Variants in MSRA observed in about 807,000 individuals in gnomAD.
The protein encoded by MSRA is mitochondrial peptide methionine sulfoxide reductase.
Under a neutral mutation model 31.3 loss-of-function variants are expected in MSRA, and 54 were observed. The ratio of observed to expected loss-of-function variants is 1.73; its 90% CI spans 1.39 to 2.17. The LOEUF is 2.17. Ranked by LOEUF, MSRA falls within the 30% of genes most tolerant of loss-of-function variation. MSRA has a pLI of 0.00. For synonymous variants in MSRA, 169 were observed against 116.5 expected, an observed-to-expected ratio of 1.45 and a Z score of -2.90; for missense variants, 507 against 300.9, an observed-to-expected ratio of 1.69 and a Z score of -5.07.
chr8:10,250,554 C>A, intron 3 of MSRA: 2 of 687,162 alleles, frequency 2.9e-6, no homozygotes. Context: ...ACAAGCAGCA[C>A]GGGAAATCTG....
chr8:10,068,125 C>T (rs987642265), intron 1 of MSRA, among the ~76,000 whole-genome samples: 8 of 152,094 alleles, frequency 5.3e-5, no homozygotes, highest in Non-Finnish European at 1.0e-4. Flanking sequence ...CTCAAGCAGA[C>T]TGCCCGCCTT....
At chr8:10,212,636 G>C (rs779830374) in intron 2 of MSRA, among the ~76,000 whole-genome samples, 29 of 152,160 alleles carry the variant, frequency 1.9e-4, no homozygotes, top group Non-Finnish European at 2.6e-4. Context: ...AAGAGTGAGG[G>C]AATTGATCTG....
chr8:10,242,599 A>C (rs1359207388), intron 2 of MSRA, among the ~76,000 whole-genome samples: 3 of 152,186 alleles, frequency 2.0e-5, no homozygotes, highest in Non-Finnish European at 4.4e-5. Flanking sequence ...AAAAGGCTAA[A>C]AATAAGTATT....
chr8:10,426,960 C>T lies in MSRA; in HGVS notation c.544-1188C>T, dbSNP rs188362830. On this transcript the variant is annotated intron_variant, in intron 5 of 5. Coordinates refer to ENST00000317173, the MANE Select transcript of MSRA (RefSeq NM_012331.5). Reference sequence around the variant, plus strand: ...TCTTGGCGGGGACCCTGCCCCTTGTCGTTCCGGACCTGCTGGGCCTTCTGC... The same window carrying T: ...TCTTGGCGGGGACCCTGCCCCTTGTTGTTCCGGACCTGCTGGGCCTTCTGC... 1.8e-4 allele frequency among the ~76,000 whole-genome samples: 27 copies of T among 152,366 alleles called. No individual in the cohort carries two copies. In the East Asian group the frequency reaches 4.0e-3, roughly 23 times the overall value.
chr8:10,176,829 G>C (rs1806097319), intron 1 of MSRA, among the ~76,000 whole-genome samples: 1 of 152,166 alleles, frequency 6.6e-6, no homozygotes, highest in South Asian at 2.1e-4. Flanking sequence ...TGTTACAACT[G>C]GAACTTCTGG....
intron 5 of MSRA, among the ~76,000 whole-genome samples, chr8:10,366,854 A>C (rs1805195935): frequency 6.6e-6 from 1 of 152,152 alleles, no homozygotes; most frequent in African/African-American, 2.4e-5. Context: ...GCTGACCACC[A>C]GACCCAAGGC....
intron 4 of MSRA, among the ~76,000 whole-genome samples, chr8:10,317,934 A>T (rs1014132910): frequency 1.3e-5 from 2 of 151,928 alleles, no homozygotes; most frequent in Admixed American, 1.3e-4. Context: ...CAAGATACCT[A>T]TGTGGTTACA....
chr8:10,367,584 G>C (rs1000405165), intron 5 of MSRA, among the ~76,000 whole-genome samples: 28 of 152,318 alleles, frequency 1.8e-4, no homozygotes, highest in African/African-American at 6.3e-4. Context: ...ACTTAATTCA[G>C]TTTATTAGCA....
At chr8:10,395,099 A>T (rs901530315) in intron 5 of MSRA, among the ~76,000 whole-genome samples, 3 of 152,228 alleles carry the variant, frequency 2.0e-5, no homozygotes, top group Admixed American at 1.3e-4. Context: ...AGCAGGAAAG[A>T]TGAGCTCAGG....
intron 5 of MSRA, among the ~76,000 whole-genome samples, chr8:10,385,691 G>C (rs1217245333): frequency 6.6e-6 from 1 of 152,090 alleles, no homozygotes; most frequent in Admixed American, 6.6e-5. Flanking sequence ...CCAAGAGGCA[G>C]TGAAGTCATG....
intron 1 of MSRA, among the ~76,000 whole-genome samples, chr8:10,082,048 A>G (rs1337979290): frequency 3.3e-5 from 5 of 152,070 alleles, no homozygotes; most frequent in Non-Finnish European, 5.9e-5. Flanking sequence ...ACAAAAATAT[A>G]TTATGCAATT....
At chr8:10,327,633 A>G (rs1802437062) in intron 5 of MSRA, among the ~76,000 whole-genome samples, 1 of 152,082 alleles carries the variant, frequency 6.6e-6, no homozygotes, top group African/African-American at 2.4e-5. Flanking sequence ...AGACAGTGTC[A>G]CTACCAAATA....
intron 5 of MSRA, among the ~76,000 whole-genome samples, chr8:10,384,645 G>A (rs150341610): frequency 0.014 from 2,114 of 152,310 alleles, 34 homozygotes; most frequent in Non-Finnish European, 0.023. Context: ...TCAGGGTGCA[G>A]CCAGGGCTGA....
intron 5 of MSRA, among the ~76,000 whole-genome samples, chr8:10,365,493 C>G (rs1035286028): frequency 3.3e-5 from 5 of 152,158 alleles, no homozygotes; most frequent in African/African-American, 1.2e-4. Flanking sequence ...AAAGCAAATA[C>G]CAAATGGGTA....
At chr8:10,355,893 C>G (rs1163281890) in intron 5 of MSRA, among the ~76,000 whole-genome samples, 1 of 152,140 alleles carries the variant, frequency 6.6e-6, no homozygotes, top group African/African-American at 2.4e-5. Context: ...TCCATAGGCA[C>G]CGGGCTCCTG....
intron 3 of MSRA, among the ~76,000 whole-genome samples, chr8:10,285,222 G>T (rs1041590813): frequency 6.6e-6 from 1 of 152,058 alleles, no homozygotes. Context: ...CGCCTTCTCC[G>T]AGCCCTTGAC....
chr8:10,335,045 G>C (rs1802944775), intron 5 of MSRA, among the ~76,000 whole-genome samples: 1 of 152,194 alleles, frequency 6.6e-6, no homozygotes, highest in Non-Finnish European at 1.5e-5. Flanking sequence ...CCCCGTGCAG[G>C]TAGAGGCCTG....
Position 10,054,405 on chromosome 8 carries a change from G to GC in MSRA, c.-108dup. The GC allele has an allele frequency of 1.2e-4, 35 of 288,384 alleles. No homozygotes were observed. The highest frequency in any genetic ancestry group is 9.8e-4 in the South Asian group (8 of 8,142). The allele number at this position is 288,384 out of a possible 1,614,324, so 17.9% of individuals were successfully genotyped here. A position where few individuals can be genotyped will look rare whatever the true frequency, so the allele number is the denominator to read the frequency against. On this transcript the variant is annotated 5_prime_UTR_variant, in exon 1 of 6. Transcript: ENST00000317173. ...CAGCGCCCCGCGCCCGCCCGCCCGC[G>GC]CCCCTGCCGCCCCCCGGTTCCGGCC... is the stretch of plus-strand genomic sequence containing the variant.
At chr8:10,357,542 C>T (rs1804579251) in intron 5 of MSRA, among the ~76,000 whole-genome samples, 1 of 152,220 alleles carries the variant, frequency 6.6e-6, no homozygotes, top group Non-Finnish European at 1.5e-5. Flanking sequence ...AGCTCCTTCA[C>T]ATTGGCTCTG....
Sources: allele counts gnomAD v4.1 joint callset (sites outside exome capture counted in the v4.1 genomes callset), GRCh38; gene constraint gnomAD v4.1.1; transcripts MANE v1.5; gene names NCBI Gene and HGNC (gene_info 2026-07-23, HGNC 2026-07-21).